Variants in OTOF observed in about 807,000 individuals in gnomAD.
The protein encoded by OTOF is otoferlin.
OTOF carries 218 observed loss-of-function variants against 236.8 expected under a neutral mutation model. The observed-to-expected ratio is 0.92, with a 90% CI of 0.82 to 1.03. The LOEUF is 1.03. Among genes scored for constraint, OTOF ranks in the 50% least tolerant of loss-of-function variants. OTOF has a pLI of 0.00. For synonymous variants in OTOF, 1,041 were observed against 1,072.5 expected (o/e 0.97, Z 0.57); for missense variants, 2,590 against 2,694.4 (o/e 0.96, Z 0.86).
In OTOF at chr2:26,473,513, G is replaced by A. The variant is rs774036068; in HGVS notation, c.3463C>T (p.Arg1155Trp). 1.3e-5 allele frequency: 21 copies of A among 1,612,390 alleles called. No individual in the cohort carries two copies. The highest frequency in any genetic ancestry group is 2.2e-5 in the East Asian group (1 of 44,884). The change falls in exon 28 of 47, where the codon CGG (arginine) becomes TGG (tryptophan). Residue 1155 changes from arginine (R) to tryptophan (W), a missense_variant. Physicochemically the swap from Arg to Trp is moderately radical, Grantham distance 101. Around this residue, in one of 2 missense-constraint regions of OTOF, gnomAD observed 1,211 missense variants for 1,352.8 expected, o/e 0.90. Transcript: ENST00000272371. The surrounding 1 kb of genome is among the most constrained non-coding windows in gnomAD (Gnocchi z 7.2). Reference sequence around the variant, plus strand: ...GCACACTCGATGTCCACCCGTGGCCGGTCCACCTGGGCCAGGTTCACCCGC... The same window carrying A: ...GCACACTCGATGTCCACCCGTGGCCAGTCCACCTGGGCCAGGTTCACCCGC... ...LKRVNLAQVD[R>W]PRVDIECAGK... is the part of the protein sequence containing the mutation.
Position 26,458,994 on chromosome 2 carries a change from A to G in OTOF, c.*18-774T>C, listed in dbSNP as rs191754225. ...TCTTCATGTATAAAATGGGGTTACAAGCAGTACCTACCTCCTGGGTTTGGC... is the reference window on the plus strand; with the variant it reads ...TCTTCATGTATAAAATGGGGTTACAGGCAGTACCTACCTCCTGGGTTTGGC... On this transcript the variant is annotated intron_variant, in intron 46 of 46. Transcript: ENST00000272371. 1.5e-4 allele frequency among the ~76,000 whole-genome samples: 23 copies of G among 152,330 alleles called. No individual in the cohort carries two copies. The East Asian group carries it at 3.5e-3, about 23-fold the overall frequency.
intron 1 of OTOF, among the ~76,000 whole-genome samples, chr2:26,539,876 T>C (rs1184022144): frequency 1.3e-5 from 2 of 152,012 alleles, no homozygotes; most frequent in Non-Finnish European, 2.9e-5. Flanking sequence ...CAAAATGAAA[T>C]GTGAATTTGA....
intron 46 of OTOF, among the ~76,000 whole-genome samples, 165 bp downstream of exon 46, chr2:26,459,843 G>T (rs1014515179): frequency 6.6e-6 from 1 of 152,166 alleles, no homozygotes; most frequent in African/African-American, 2.4e-5. Context: ...GTGCTTGAGT[G>T]CATGTGTATG....
intron 8 of OTOF, among the ~76,000 whole-genome samples, chr2:26,498,054 A>C (rs1174561956): frequency 6.6e-6 from 1 of 152,252 alleles, no homozygotes; most frequent in Non-Finnish European, 1.5e-5. Context: ...TACCGAAGAT[A>C]AGCCAGCAGC....
At chr2:26,544,533 G>A (rs755421080) in intron 1 of OTOF, among the ~76,000 whole-genome samples, 3 of 152,142 alleles carry the variant, frequency 2.0e-5, no homozygotes, top group South Asian at 2.1e-4. Flanking sequence ...TTTTATTGTA[G>A]AGTAATAGCC....
rs1572455218 is a variant in OTOF, at chr2:26,501,088, G to A, written c.765+666C>T. Among the ~76,000 whole-genome samples, 3 of 152,304 alleles carry A rather than the reference G, an allele frequency of 2.0e-5. No homozygotes were observed. The East Asian group carries it at 5.8e-4, about 29-fold the overall frequency. The stretch of plus-strand genomic sequence containing the variant: ...CCTCCAAGGGAGGGTCTGGAGCAAT[G>A]GAGGGTCCCTGGGCCCTTCCTGAGA... On this transcript the variant is annotated intron_variant, in intron 8 of 46. Coordinates refer to ENST00000272371, the MANE Select transcript of OTOF (RefSeq NM_194248.3).
intron 1 of OTOF, among the ~76,000 whole-genome samples, chr2:26,546,229 G>C (rs965136839): frequency 6.6e-6 from 1 of 152,204 alleles, no homozygotes; most frequent in Admixed American, 6.5e-5. Context: ...AGGAGGCCGA[G>C]GCTGGTGGAT....
intron 5 of OTOF, among the ~76,000 whole-genome samples, chr2:26,508,574 G>A (rs35804683): frequency 0.31 from 46,566 of 152,000 alleles, 9,115 homozygotes; most frequent in Middle Eastern, 0.49. Flanking sequence ...TCTTGCTGGC[G>A]GCCCAGCCCT....
intron 8 of OTOF, among the ~76,000 whole-genome samples, chr2:26,500,002 A>G (rs2148076592): frequency 6.6e-6 from 1 of 152,346 alleles, no homozygotes; most frequent in East Asian, 1.9e-4. Flanking sequence ...CAGTTAATAA[A>G]AGTCTCTGGT....
Position 26,477,492 on chromosome 2 carries a change from A to G in OTOF, c.2330T>C (p.Leu777Pro). The change falls in exon 20 of 47, where the codon CTC becomes CCC. Residue 777 changes from leucine (L) to proline (P), a missense_variant. Coordinates refer to ENST00000272371, the MANE Select transcript of OTOF (RefSeq NM_194248.3). The surrounding 1 kb of genome is among the most constrained non-coding windows in gnomAD (Gnocchi z 4.7). ...LSCGCCRFLSLADKDQGHSSR... is the reference protein window; with the variant it reads ...LSCGCCRFLSPADKDQGHSSR... ...TGAGTGGCCCTGGTCCTTGTCAGCG[A>G]GGGAGAGGAAGCGGCTGGGGGTAGG... 6 of 1,603,514 alleles carry G rather than the reference A, an allele frequency of 3.7e-6. No individual in the cohort carries two copies. Among genetic ancestry groups the G allele is most frequent in the Non-Finnish European group, 5.1e-6 (6 of 1,175,876 alleles).
At position 26,482,321 on chromosome 2, in the gene OTOF, G is replaced by A. The variant is rs77990510; in HGVS notation, c.1579+85C>T. The A allele has an allele frequency of 6.3e-6, 8 of 1,268,660 alleles. No homozygotes were observed. The East Asian group carries it at 1.2e-4, about 19-fold the overall frequency. The allele number at this position is 1,268,660 out of a possible 1,614,324, so 78.6% of individuals were successfully genotyped here. A position where few individuals can be genotyped will look rare whatever the true frequency, so the allele number is the denominator to read the frequency against. On this transcript the variant is annotated intron_variant, in intron 14 of 46. Coordinates refer to ENST00000272371, the MANE Select transcript of OTOF (RefSeq NM_194248.3). ...GCTGAGGACCAGAGCTGATGACGGT[G>A]GTGTGAAGAGAGGGCATCTCACATA...
At chr2:26,464,786 G>T in intron 39 of OTOF, 83 bp downstream of exon 39, 2 of 1,376,614 alleles carry the variant, frequency 1.5e-6, no homozygotes, top group Non-Finnish European at 2.0e-6. Flanking sequence ...AGGCTGTGAG[G>T]TTCCCCAGGG....
At chr2:26,487,465 G>A (rs1454996435) in intron 11 of OTOF, among the ~76,000 whole-genome samples, 5 of 152,140 alleles carry the variant, frequency 3.3e-5, no homozygotes, top group Non-Finnish European at 5.9e-5. Context: ...TGTGGCCCTG[G>A]ACCAGCTGTT....
chr2:26,513,233 C>T (rs905495374), intron 5 of OTOF, among the ~76,000 whole-genome samples: 2 of 152,168 alleles, frequency 1.3e-5, no homozygotes, highest in East Asian at 3.9e-4. Context: ...GAGTGAGTGT[C>T]ACAGCAGCTG....
In OTOF at chr2:26,467,396, T is replaced by G; in HGVS notation, c.4196A>C (p.Glu1399Ala). ...SGSGQGSEAP[E>A]KKKPKIDELK... Reference sequence around the variant, plus strand: ...CTCATCAATCTTGGGTTTCTTCTTCTCGGGGGCCTCGGACCCCTGGCCAGA... The same window carrying G: ...CTCATCAATCTTGGGTTTCTTCTTCGCGGGGGCCTCGGACCCCTGGCCAGA... Residue 1399 changes from glutamate (E) to alanine (A), a missense_variant, in exon 34 of 47, where the codon GAG becomes GCG. By Grantham distance (107) the Glu-to-Ala change is moderately radical. Coordinates refer to ENST00000272371, the MANE Select transcript of OTOF (RefSeq NM_194248.3). 1 of 1,613,882 alleles carries G rather than the reference T, an allele frequency of 6.2e-7. No homozygotes were observed. The highest frequency in any genetic ancestry group is 8.5e-7 in the Non-Finnish European group (1 of 1,180,000).
At chr2:26,475,688 C>T (rs1467027571) in intron 24 of OTOF, among the ~76,000 whole-genome samples, 195 bp from the exon 25 acceptor site, 1 of 152,196 alleles carries the variant, frequency 6.6e-6, no homozygotes, top group Non-Finnish European at 1.5e-5. Context: ...TCCTCCTTGT[C>T]GTCCCTGTCT....
chr2:26,481,020 G>T lies in OTOF; in HGVS notation c.1580-11C>A. ...GTGTGGGCAGGAAGCCTGTGGCAGTGGGAACAAAAATGAGGGGGCAGCGTC... is the reference window on the plus strand; with the variant it reads ...GTGTGGGCAGGAAGCCTGTGGCAGTTGGAACAAAAATGAGGGGGCAGCGTC... On this transcript the variant is annotated splice_polypyrimidine_tract_variant and intron_variant, in intron 14 of 46. Coordinates refer to ENST00000272371, the MANE Select transcript of OTOF (RefSeq NM_194248.3). The T allele has an allele frequency of 6.2e-7, 1 of 1,606,844 alleles. No individual in the cohort carries two copies. The highest frequency in any genetic ancestry group is 8.5e-7 in the Non-Finnish European group (1 of 1,174,698).
At chr2:26,518,985 C>T (rs764159221) in intron 4 of OTOF, 25 bp downstream of exon 4, 3 of 1,550,740 alleles carry the variant, frequency 1.9e-6, no homozygotes, top group Non-Finnish European at 2.7e-6. Flanking sequence ...TGGGAAAGTC[C>T]AGGAACTCCG....
chr2:26,526,833 A>G (rs1311619211), intron 3 of OTOF, among the ~76,000 whole-genome samples: 1 of 152,224 alleles, frequency 6.6e-6, no homozygotes, highest in East Asian at 1.9e-4. Flanking sequence ...CAGTTAAGCC[A>G]TGACCTCCAG....
Sources: allele counts gnomAD v4.1 joint callset (sites outside exome capture counted in the v4.1 genomes callset), GRCh38; gene constraint gnomAD v4.1.1; regional missense constraint gnomAD v4.1.1; non-coding constraint Gnocchi (gnomAD v3.1); transcripts MANE v1.5; gene names NCBI Gene and HGNC (gene_info 2026-07-23, HGNC 2026-07-21).